SUSD6: variants seen among roughly 807,000 people sequenced by gnomAD.
The protein encoded by SUSD6 is sushi domain-containing protein 6.
SUSD6 carries 16 observed loss-of-function variants against 28.4 expected under a neutral mutation model. That is an observed-to-expected ratio of 0.56 (90% CI 0.38 to 0.86). The LOEUF (loss-of-function observed/expected upper bound fraction) is 0.86, where lower values mean the gene tolerates loss of function less well. SUSD6 is among the 40% of genes least tolerant of loss of function. The pLI, the probability that SUSD6 is intolerant of heterozygous loss-of-function variation, is 0.00. For missense variants in SUSD6, 341 were observed against 384.2 expected (o/e 0.89, Z 0.94); for synonymous variants, 147 against 159.6 (o/e 0.92, Z 0.59).
intron 2 of SUSD6, among the ~76,000 whole-genome samples, chr14:69,660,746 C>G (rs1383616356): frequency 6.6e-6 from 1 of 152,214 alleles, no homozygotes. Flanking sequence ...AAAGATATTT[C>G]ATGACATGTA....
chr14:69,640,984 T>C lies in SUSD6; in HGVS notation c.-80-17529T>C, dbSNP rs987813613. 2.6e-5 allele frequency among the ~76,000 whole-genome samples: 4 copies of C among 152,222 alleles called. No homozygotes were observed. The East Asian group carries it at 7.7e-4, about 29-fold the overall frequency. The stretch of plus-strand genomic sequence containing the variant: ...GAGGATACTGTACTTGCAAATGCTT[T>C]TAAGGCCACAGAGTTCTCACCCTTG... On this transcript the variant is annotated intron_variant, in intron 1 of 5. Coordinates refer to ENST00000342745, the MANE Select transcript of SUSD6 (RefSeq NM_014734.4).
chr14:69,667,634 C>T (rs1335982507), intron 2 of SUSD6, among the ~76,000 whole-genome samples: 1 of 151,862 alleles, frequency 6.6e-6, no homozygotes, highest in Admixed American at 6.6e-5. Flanking sequence ...CCGCCCGCCT[C>T]AGCCTCCCAA....
At chr14:69,710,838 T>A in intron 5 of SUSD6, 116 bp from the exon 6 acceptor site, 1 of 958,928 alleles carries the variant, frequency 1.0e-6, no homozygotes, top group Non-Finnish European at 1.7e-6. Context: ...AGTGGGACAT[T>A]TACTTTCTTT....
intron 2 of SUSD6, among the ~76,000 whole-genome samples, chr14:69,694,069 G>A (rs928037022): frequency 1.4e-5 from 2 of 140,462 alleles, no homozygotes; most frequent in African/African-American, 5.2e-5. Context: ...ACTATCTCCT[G>A]GATTATTTGT....
At chr14:69,665,976 A>G (rs1885734046) in intron 2 of SUSD6, among the ~76,000 whole-genome samples, 1 of 152,222 alleles carries the variant, frequency 6.6e-6, no homozygotes, top group Admixed American at 6.5e-5. Context: ...TCGGTACACA[A>G]ATAAATATTC....
At chr14:69,631,222 T>C (rs1356784086) in intron 1 of SUSD6, among the ~76,000 whole-genome samples, 1 of 152,166 alleles carries the variant, frequency 6.6e-6, no homozygotes, top group East Asian at 1.9e-4. Context: ...CAAGTCCAAG[T>C]CCCACCCCAC....
chr14:69,679,552 T>C (rs8010776), intron 2 of SUSD6, among the ~76,000 whole-genome samples: 7 of 151,838 alleles, frequency 4.6e-5, no homozygotes, highest in African/African-American at 1.7e-4. Flanking sequence ...TCATAAACTT[T>C]CTTAAAATAT....
chr14:69,679,529 GC>G (rs1420451859), intron 2 of SUSD6, among the ~76,000 whole-genome samples: 1 of 151,588 alleles, frequency 6.6e-6, no homozygotes, highest in East Asian at 1.9e-4. Flanking sequence ...GCTGCATGTG[GC>G]CTAACACAAA....
intron 2 of SUSD6, among the ~76,000 whole-genome samples, chr14:69,677,643 G>A (rs1029290777): frequency 2.0e-5 from 3 of 152,060 alleles, no homozygotes; most frequent in Admixed American, 6.5e-5. Flanking sequence ...GGGGTGGGTG[G>A]CAGCAGTGGA....
chr14:69,671,718 G>C (rs1384267863), intron 2 of SUSD6, among the ~76,000 whole-genome samples: 1 of 152,198 alleles, frequency 6.6e-6, no homozygotes, highest in African/African-American at 2.4e-5. Context: ...GGTGAGGACT[G>C]TCTGTGATTT....
intron 2 of SUSD6, among the ~76,000 whole-genome samples, chr14:69,701,482 C>T (rs1886312019): frequency 6.6e-6 from 1 of 152,184 alleles, no homozygotes; most frequent in Non-Finnish European, 1.5e-5. Flanking sequence ...GGGAGTAAGT[C>T]AGGGAGATCT....
chr14:69,627,815 T>G (rs1344420818), intron 1 of SUSD6, among the ~76,000 whole-genome samples: 1 of 152,176 alleles, frequency 6.6e-6, no homozygotes, highest in Non-Finnish European at 1.5e-5. Flanking sequence ...CAGAATTAAT[T>G]TTAATCTTTT....
chr14:69,615,257 G>C (rs2139587393), intron 1 of SUSD6, among the ~76,000 whole-genome samples: 1 of 152,340 alleles, frequency 6.6e-6, no homozygotes, highest in Admixed American at 6.5e-5. Flanking sequence ...ATAGTACTCA[G>C]GAACCTTTGG....
At chr14:69,659,271 T>C (rs962138134) in intron 2 of SUSD6, among the ~76,000 whole-genome samples, 1 of 152,232 alleles carries the variant, frequency 6.6e-6, no homozygotes, top group Non-Finnish European at 1.5e-5. Context: ...TATTGTAATT[T>C]AGTGAAAATA....
At position 69,653,714 on chromosome 14, in the gene SUSD6, T is replaced by G. The variant is rs1299768517; in HGVS notation, c.-80-4799T>G. ...TGTTTAAACAAAGTTTTAGCCTCAG[T>G]ATTTCTCTAGGGATAATGAATACCT... On this transcript the variant is annotated intron_variant, in intron 1 of 5. Transcript: ENST00000342745. Among the ~76,000 whole-genome samples the G allele has an allele frequency of 2.0e-5, 3 of 151,728 alleles. No individual in the cohort carries two copies. In the East Asian group the frequency reaches 5.8e-4, roughly 29 times the overall value.
At chr14:69,685,681 G>A (rs948895978) in intron 2 of SUSD6, among the ~76,000 whole-genome samples, 2 of 152,170 alleles carry the variant, frequency 1.3e-5, no homozygotes, top group African/African-American at 2.4e-5. Flanking sequence ...AAGTGATTCC[G>A]GGCCTTTAGG....
intron 1 of SUSD6, chr14:69,617,640 G>T (rs1008958104): frequency 6.6e-6 from 1 of 152,214 alleles, no homozygotes; most frequent in Non-Finnish European, 1.5e-5. Context: ...TTTTCAATGC[G>T]AAGCCTCAGC....
chr14:69,676,911 G>T (rs947969951), intron 2 of SUSD6, among the ~76,000 whole-genome samples: 43 of 152,348 alleles, frequency 2.8e-4, no homozygotes, highest in African/African-American at 1.0e-3. Context: ...TGGTCAGTCA[G>T]CTGCTCCCGT....
At chr14:69,646,472 C>T (rs1310661810) in intron 1 of SUSD6, among the ~76,000 whole-genome samples, 4 of 152,170 alleles carry the variant, frequency 2.6e-5, no homozygotes, top group African/African-American at 9.7e-5. Flanking sequence ...ACATCCCAAG[C>T]TCAGAGTGCT....
Sources: allele counts gnomAD v4.1 joint callset (sites outside exome capture counted in the v4.1 genomes callset), GRCh38; gene constraint gnomAD v4.1.1; transcripts MANE v1.5; gene names NCBI Gene and HGNC (gene_info 2026-07-23, HGNC 2026-07-21).